Variants in PDE12 observed in about 807,000 individuals in gnomAD.
The protein encoded by PDE12 is 2',5'-phosphodiesterase 12.
Under a neutral mutation model 45.4 loss-of-function variants are expected in PDE12, and 26 were observed. The observed-to-expected ratio is 0.57, with a 90% confidence interval of 0.42 to 0.79. PDE12 has a LOEUF of 0.79. PDE12 is among the 30% of genes least tolerant of loss of function. The pLI is 0.00. For synonymous variants in PDE12, 283 were observed against 323.9 expected (o/e 0.87, Z 1.36); for missense variants, 668 against 790.0 (o/e 0.85, Z 1.85).
At chr3:57,631,249 T>A in the PDE12 span, 6 of 329,204 alleles carry the variant, frequency 1.8e-5, no homozygotes, top group Non-Finnish European at 3.3e-5. Context: ...CAGGCTGGAG[T>A]GCAATGGCAT....
At chr3:57,601,300 G>A in the PDE12 span, among the ~76,000 whole-genome samples, 7 of 152,090 alleles carry the variant, frequency 4.6e-5, no homozygotes, top group Admixed American at 6.6e-5. Flanking sequence ...AGCAGAGAGG[G>A]GGTTTCACCA....
At chr3:57,558,733 G>A (rs34069342) in intron 1 of PDE12, among the ~76,000 whole-genome samples, 57,539 of 148,512 alleles carry the variant, frequency 0.39, 12,279 homozygotes, top group South Asian at 0.56. Context: ...CTCGTGATCC[G>A]CCCGCCTCAG....
chr3:57,563,928 A>C lies in PDE12; in HGVS notation c.*3924A>C, dbSNP rs1240454388. 2 of 152,194 alleles carry C rather than the reference A, an allele frequency of 1.3e-5. No homozygotes were observed. 9.4% of individuals were successfully genotyped at this position (152,194 alleles called of 1,614,324 possible). A position where few individuals can be genotyped will look rare whatever the true frequency, so the allele number is the denominator to read the frequency against. ...TTTCATGTTGTAGGGGGTAGGGAGG[A>C]CAATTTTTAACAGCTTTAACTGACA... is the stretch of plus-strand genomic sequence containing the variant. On this transcript the variant is annotated 3_prime_UTR_variant, in exon 3 of 3. Transcript: ENST00000311180.
At chr3:57,620,243 T>A in the PDE12 span, among the ~76,000 whole-genome samples, 3 of 151,646 alleles carry the variant, frequency 2.0e-5, no homozygotes, top group Non-Finnish European at 4.4e-5. Flanking sequence ...AAGAAAAATT[T>A]AATGCTTTTA....
the PDE12 span, among the ~76,000 whole-genome samples, chr3:57,637,184 T>G: frequency 6.6e-6 from 1 of 152,144 alleles, no homozygotes; most frequent in Admixed American, 6.5e-5. Context: ...ATGAAGAAAC[T>G]AAAGCATGGG....
chr3:57,633,058 C>G, the PDE12 span, among the ~76,000 whole-genome samples: 6 of 152,074 alleles, frequency 3.9e-5, no homozygotes, highest in Non-Finnish European at 7.4e-5. Context: ...AATTGAGGGT[C>G]AGAGAGAGGG....
At chr3:57,558,616 T>C (rs1189497927) in intron 1 of PDE12, among the ~76,000 whole-genome samples, 1 of 151,722 alleles carries the variant, frequency 6.6e-6, no homozygotes, top group Non-Finnish European at 1.5e-5. Context: ...TCAGCCTCCC[T>C]AGTAGCTGGG....
At position 57,556,501 on chromosome 3, in the gene PDE12, G is replaced by GC; in HGVS notation, c.123dup (p.Cys42LeufsTer16). On this transcript the variant is annotated frameshift_variant, in exon 1 of 3. Coordinates refer to ENST00000311180, the MANE Select transcript of PDE12 (RefSeq NM_177966.7). LOFTEE classifies it high-confidence loss of function. This position sits in a 1 kb window ranked among gnomAD's most constrained non-coding sequence, Gnocchi z 5.0. ...GGAGCGATGGAGCGCGCTGTAGTGC[G>GC]CTGCGTACCTTCGGAACCCAAGCTG... 6.2e-7 allele frequency: 1 copy of GC among 1,613,344 alleles called. No individual in the cohort carries two copies. The highest frequency in any genetic ancestry group is 1.1e-5 in the South Asian group (1 of 91,090).
At chr3:57,580,390 A>AT in the PDE12 span, among the ~76,000 whole-genome samples, 1 of 151,528 alleles carries the variant, frequency 6.6e-6, no homozygotes, top group East Asian at 1.9e-4. Context: ...CAAACCTTCC[A>AT]TTTTTTTGTT....
downstream of PDE12, chr3:57,571,569 A>C (rs555035983): frequency 1.3e-4 from 20 of 152,826 alleles, no homozygotes; most frequent in South Asian, 4.1e-3. Context: ...AATATAAAGG[A>C]AGACAATCTG....
At position 57,560,402 on chromosome 3, in the gene PDE12, T is replaced by C; in HGVS notation, c.*398T>C. The C allele has an allele frequency of 2.9e-6, 2 of 686,378 alleles. No individual in the cohort carries two copies. Among genetic ancestry groups the C allele is most frequent in the South Asian group, 5.5e-5 (1 of 18,074 alleles). 42.5% of individuals were successfully genotyped at this position (686,378 alleles called of 1,614,324 possible). A position where few individuals can be genotyped will look rare whatever the true frequency, so the allele number is the denominator to read the frequency against. ...GTGCAATGGCACAATCTCGGCTCAC[T>C]GCAACCTCCGCCCCCTGGGTTTAAG... On this transcript the variant is annotated 3_prime_UTR_variant, in exon 3 of 3. Coordinates refer to ENST00000311180, the MANE Select transcript of PDE12 (RefSeq NM_177966.7).
At chr3:57,568,621 A>G (rs1351127251), downstream of PDE12, among the ~76,000 whole-genome samples, 1 of 149,148 alleles carries the variant, frequency 6.7e-6, no homozygotes, top group Non-Finnish European at 1.5e-5. Context: ...AGGTCTCACT[A>G]TATTTACCAG....
At chr3:57,639,767 C>A in the PDE12 span, among the ~76,000 whole-genome samples, 1 of 151,964 alleles carries the variant, frequency 6.6e-6, no homozygotes. Flanking sequence ...CAAGATGAAG[C>A]CCTTTGCTTT....
At position 57,557,300 on chromosome 3, in the gene PDE12, C is replaced by T. The variant is rs1208956788; in HGVS notation, c.921C>T (p.Tyr307=). The T allele has an allele frequency of 6.2e-7, 1 of 1,613,922 alleles. No homozygotes were observed. The highest frequency in any genetic ancestry group is 8.5e-7 in the Non-Finnish European group (1 of 1,180,008). Residue 307 remains tyrosine (Y), a synonymous_variant, in exon 1 of 3, where the codon TAC becomes TAT. Transcript: ENST00000311180. The part of the protein sequence containing the change: ...TVSYNILADT[Y]AQTEFSRTVL... ...CTTACAACATCCTGGCAGACACGTA[C>T]GCGCAGACTGAGTTCTCGCGAACGG...
the PDE12 span, among the ~76,000 whole-genome samples, chr3:57,602,728 G>A: frequency 2.3e-4 from 35 of 151,984 alleles, no homozygotes; most frequent in African/African-American, 8.0e-4. Context: ...GCGCCACTAC[G>A]CCTGGCTAGT....
the PDE12 span, among the ~76,000 whole-genome samples, chr3:57,649,234 T>C: frequency 1.3e-5 from 2 of 151,920 alleles, no homozygotes; most frequent in African/African-American, 4.8e-5. Context: ...ATATACAAAT[T>C]GCCAACAAAC....
the PDE12 span, among the ~76,000 whole-genome samples, chr3:57,646,962 A>G: frequency 6.6e-6 from 1 of 152,166 alleles, no homozygotes; most frequent in Non-Finnish European, 1.5e-5. Flanking sequence ...AGTGCTGAGT[A>G]TTTTTACAGC....
rs992010919 is a variant in PDE12 at position 57,564,407 on chromosome 3, A to G, written c.*4403A>G. ...AATTTCACAGAAAACTGAATTATTC[A>G]TCTCTATCTTCTGTCCAATTTATGT... On this transcript the variant is annotated 3_prime_UTR_variant, in exon 3 of 3. Coordinates refer to ENST00000311180, the MANE Select transcript of PDE12 (RefSeq NM_177966.7). 4 of 152,216 alleles carry G rather than the reference A, an allele frequency of 2.6e-5. No homozygotes were observed. Among genetic ancestry groups the G allele is most frequent in the African/African-American group, 9.6e-5 (4 of 41,456 alleles). The allele number at this position is 152,216 out of a possible 1,614,324, so 9.4% of individuals were successfully genotyped here.
At chr3:57,643,565 C>G in the PDE12 span, among the ~76,000 whole-genome samples, 26 of 152,024 alleles carry the variant, frequency 1.7e-4, no homozygotes, top group Non-Finnish European at 3.2e-4. Flanking sequence ...CGGTGGCTCA[C>G]GTCTGTAATC....
Sources: allele counts gnomAD v4.1 joint callset (sites outside exome capture counted in the v4.1 genomes callset), GRCh38; gene constraint gnomAD v4.1.1; non-coding constraint Gnocchi (gnomAD v3.1); transcripts MANE v1.5; gene names NCBI Gene and HGNC (gene_info 2026-07-23, HGNC 2026-07-21).